NTSR1: variants seen among roughly 807,000 people sequenced by gnomAD.
NTSR1 encodes neurotensin receptor type 1.
In NTSR1, 29 loss-of-function variants were observed where a neutral mutation model predicts 31.2. The observed-to-expected ratio is 0.93, with a 90% CI of 0.69 to 1.27. The LOEUF (loss-of-function observed/expected upper bound fraction) is 1.27, where lower values mean the gene tolerates loss of function less well. Among genes scored for constraint, NTSR1 ranks in the 50% most tolerant of loss-of-function variants. The pLI is 0.00. For missense variants in NTSR1, 697 were observed against 595.4 expected (o/e 1.17, Z -1.78); for synonymous variants, 282 against 269.9 (o/e 1.04, Z -0.44).
intron 2 of NTSR1, 133 bp downstream of exon 2, chr20:62,755,019 T>C (rs1360288951): frequency 1.2e-5 from 10 of 836,834 alleles, no homozygotes; most frequent in Non-Finnish European, 1.8e-5. Context: ...GACCCAAGGG[T>C]GCCAGCTCCC....
chr20:62,752,417 C>G (rs532913853), intron 1 of NTSR1, among the ~76,000 whole-genome samples: 4 of 150,968 alleles, frequency 2.6e-5, no homozygotes, highest in African/African-American at 7.3e-5. Flanking sequence ...CCCTCACCCC[C>G]CAATCCTACT....
At chr20:62,750,378 G>A (rs1989372258) in intron 1 of NTSR1, among the ~76,000 whole-genome samples, 2 of 152,144 alleles carry the variant, frequency 1.3e-5, no homozygotes, top group African/African-American at 4.8e-5. Context: ...GAGGTATGGT[G>A]TGAGGACCAG....
intron 1 of NTSR1, among the ~76,000 whole-genome samples, chr20:62,754,266 G>A (rs856935): frequency 0.91 from 139,125 of 152,230 alleles, 63,680 homozygotes; most frequent in East Asian, 0.98. Flanking sequence ...CTCTCCCACA[G>A]GACGGGCCTT....
intron 1 of NTSR1, among the ~76,000 whole-genome samples, chr20:62,726,877 C>A (rs1044209125): frequency 1.3e-5 from 2 of 152,118 alleles, no homozygotes; most frequent in Non-Finnish European, 2.9e-5. Flanking sequence ...GCACTTCCTG[C>A]CCAGGATTCC....
At position 62,741,933 on chromosome 20, in the gene NTSR1, T is replaced by C. The variant is rs1379189676; in HGVS notation, c.715-12752T>C. Among the ~76,000 whole-genome samples the C allele has an allele frequency of 4.7e-5, 7 of 149,398 alleles. No homozygotes were observed. The Admixed American group carries it at 4.7e-4, about 10-fold the overall frequency. ...ACAACTGTGCCTGGGTTTCTTTATC[T>C]ACAAAAGGAGCCTGACAGGAGCCTC... On this transcript the variant is annotated intron_variant, in intron 1 of 3. Coordinates refer to ENST00000370501, the MANE Select transcript of NTSR1 (RefSeq NM_002531.3). This position sits in a 1 kb window ranked among gnomAD's most constrained non-coding sequence, Gnocchi z 4.3.
Position 62,710,726 on chromosome 20 carries a change from G to A in NTSR1, c.714+805G>A, listed in dbSNP as rs183063544. On this transcript the variant is annotated intron_variant, in intron 1 of 3. Coordinates refer to ENST00000370501, the MANE Select transcript of NTSR1 (RefSeq NM_002531.3). ...TCAGTTTGGCTGAGGTTCGTGGCAC[G>A]GGGGGTTCCAGTGCTGGAGGGGAGG... 1.7e-3 allele frequency among the ~76,000 whole-genome samples: 261 copies of A among 152,280 alleles called. 1 individual carries two copies. Among genetic ancestry groups the A allele is most frequent in the Admixed American group, 2.6e-3 (40 of 15,292 alleles).
At chr20:62,739,707 C>A (rs530203203) in intron 1 of NTSR1, among the ~76,000 whole-genome samples, 45 of 152,298 alleles carry the variant, frequency 3.0e-4, no homozygotes, top group Non-Finnish European at 5.3e-4. Context: ...TGGGACACGG[C>A]GGCCAGCTTT....
chr20:62,754,653 G>T, intron 1 of NTSR1, 32 bp from the exon 2 acceptor site: 1 of 1,584,842 alleles, frequency 6.3e-7, no homozygotes, highest in Non-Finnish European at 8.6e-7. Context: ...CCCGCTGCTG[G>T]CTCTGACAGC....
At chr20:62,737,732 A>T (rs1989123138) in intron 1 of NTSR1, among the ~76,000 whole-genome samples, 1 of 150,256 alleles carries the variant, frequency 6.7e-6, no homozygotes, top group South Asian at 2.1e-4. Context: ...CCCTGGCCCC[A>T]CCCCTGAGAG....
rs1241561771 is a variant in NTSR1, at chr20:62,756,186, T to TACC, written c.916+1313_916+1315dup. Reference sequence around the variant, plus strand: ...CCAGTGATGAGCATGAAGAAAAAAATACCACCACCACCACCCCTGACTACA... The same window carrying TACC: ...CCAGTGATGAGCATGAAGAAAAAAATACCACCACCACCACCACCCCTGACTACA... On this transcript the variant is annotated intron_variant, in intron 2 of 3. Transcript: ENST00000370501. Among the ~76,000 whole-genome samples, 15 of 151,620 alleles carry TACC rather than the reference T, an allele frequency of 9.9e-5. No individual in the cohort carries two copies. In the East Asian group the frequency reaches 2.8e-3, roughly 28 times the overall value.
intron 1 of NTSR1, among the ~76,000 whole-genome samples, chr20:62,746,061 C>T (rs1415998293): frequency 6.6e-6 from 1 of 152,188 alleles, no homozygotes; most frequent in Non-Finnish European, 1.5e-5. Context: ...GAGGTAGACG[C>T]TCAGCCTGGG....
intron 1 of NTSR1, among the ~76,000 whole-genome samples, chr20:62,724,945 C>T (rs923661512): frequency 6.6e-6 from 1 of 152,198 alleles, no homozygotes; most frequent in African/African-American, 2.4e-5. Context: ...CCACTCCGAT[C>T]CAGGATGATC....
intron 1 of NTSR1, among the ~76,000 whole-genome samples, chr20:62,731,036 G>A (rs1030561953): frequency 6.6e-5 from 10 of 151,978 alleles, no homozygotes; most frequent in South Asian, 2.1e-4. Context: ...CTTCTCATTC[G>A]TTTAACAGTG....
chr20:62,757,847 T>G (rs945996886), intron 2 of NTSR1, among the ~76,000 whole-genome samples: 3 of 151,732 alleles, frequency 2.0e-5, no homozygotes, highest in African/African-American at 4.8e-5. Context: ...TCTGAGCTTA[T>G]GCTCCCTCCC....
At chr20:62,749,336 G>A (rs529471196) in intron 1 of NTSR1, among the ~76,000 whole-genome samples, 1 of 152,198 alleles carries the variant, frequency 6.6e-6, no homozygotes, top group East Asian at 1.9e-4. Context: ...AGCTACTCGA[G>A]AGCCTGAAAT....
At chr20:62,748,091 C>T (rs1263516046) in intron 1 of NTSR1, among the ~76,000 whole-genome samples, 2 of 150,626 alleles carry the variant, frequency 1.3e-5, no homozygotes, top group South Asian at 2.1e-4. Flanking sequence ...AGGAGAATTG[C>T]TTGAACCTGA....
In NTSR1 at chr20:62,754,890, C is replaced by T. The variant is rs200300483; in HGVS notation, c.916+4C>T. The T allele has an allele frequency of 1.4e-5, 23 of 1,591,042 alleles. No individual in the cohort carries two copies. The highest frequency in any genetic ancestry group is 4.4e-5 in the South Asian group (4 of 90,204). On this transcript the variant is annotated splice_donor_region_variant and intron_variant, in intron 2 of 3. Transcript: ENST00000370501. Reference sequence around the variant, plus strand: ...CGGCACGGCGTGCGCGTCCTACGTACGTAACCTCTGGGCCCTCCAGGGGCG... The same window carrying T: ...CGGCACGGCGTGCGCGTCCTACGTATGTAACCTCTGGGCCCTCCAGGGGCG...
chr20:62,732,399 G>A lies in NTSR1; in HGVS notation c.715-22286G>A, dbSNP rs1056374337. On this transcript the variant is annotated intron_variant, in intron 1 of 3. Coordinates refer to ENST00000370501, the MANE Select transcript of NTSR1 (RefSeq NM_002531.3). The surrounding 1 kb of genome is among the most constrained non-coding windows in gnomAD (Gnocchi z 4.0). ...GGTTTTTCTCACAGATGGGTGTTGG[G>A]TTTTGGAAAATAGTTCCTGTTGCCA... Among the ~76,000 whole-genome samples the A allele has an allele frequency of 6.6e-6, 1 of 152,202 alleles. No homozygotes were observed. The highest frequency in any genetic ancestry group is 1.5e-5 in the Non-Finnish European group (1 of 68,040).
intron 1 of NTSR1, among the ~76,000 whole-genome samples, chr20:62,728,886 C>CT (rs1988956256): frequency 6.6e-6 from 1 of 152,200 alleles, no homozygotes; most frequent in African/African-American, 2.4e-5. Context: ...CTTCAGGACA[C>CT]TGAGAAGGGT....
Sources: allele counts gnomAD v4.1 joint callset (sites outside exome capture counted in the v4.1 genomes callset), GRCh38; gene constraint gnomAD v4.1.1; non-coding constraint Gnocchi (gnomAD v3.1); transcripts MANE v1.5; gene names NCBI Gene and HGNC (gene_info 2026-07-23, HGNC 2026-07-21).